SPOCK1: variants seen among roughly 807,000 people sequenced by gnomAD.
The protein encoded by SPOCK1 is SPARC (osteonectin), cwcv and kazal like domains proteoglycan 1, also known as testican-1.
In SPOCK1, 23 loss-of-function variants were observed where a neutral mutation model predicts 55.3. The ratio of observed to expected loss-of-function variants is 0.42; its 90% CI spans 0.30 to 0.59. The LOEUF (loss-of-function observed/expected upper bound fraction) is 0.59. SPOCK1 is among the 20% of genes least tolerant of loss of function. The pLI, the probability that SPOCK1 is intolerant of heterozygous loss-of-function variation, is 0.22. For missense variants in SPOCK1, 499 were observed against 552.5 expected (o/e 0.90, Z 0.97); for synonymous variants, 226 against 221.0 (o/e 1.02, Z -0.20).
intron 4 of SPOCK1, among the ~76,000 whole-genome samples, chr5:137,121,861 A>G (rs1338022892): frequency 2.1e-5 from 3 of 146,262 alleles, no homozygotes; most frequent in South Asian, 2.1e-4. Flanking sequence ...TTGGTTTTAA[A>G]TATATAATAT....
intron 2 of SPOCK1, among the ~76,000 whole-genome samples, chr5:137,413,789 A>G (rs1487858035): frequency 6.6e-6 from 1 of 152,224 alleles, no homozygotes; most frequent in Non-Finnish European, 1.5e-5. Context: ...TTTATCTCAC[A>G]TAATCAAGAA....
At chr5:137,131,989 A>AAAAAAATAT (rs1391176339) in intron 4 of SPOCK1, among the ~76,000 whole-genome samples, 1 of 36,056 alleles carries the variant, frequency 2.8e-5, no homozygotes, top group African/African-American at 1.8e-4. Context: ...AAAAAAAAAA[A>AAAAAAATAT]ATATATATAT....
At chr5:137,168,962 GATGA>G (rs1754698480) in intron 3 of SPOCK1, among the ~76,000 whole-genome samples, 1 of 152,146 alleles carries the variant, frequency 6.6e-6, no homozygotes, top group African/African-American at 2.4e-5. Flanking sequence ...TCTATCGACA[GATGA>G]ATGAACAAAG....
chr5:137,278,364 T>C (rs1757108270), intron 2 of SPOCK1, among the ~76,000 whole-genome samples: 1 of 152,188 alleles, frequency 6.6e-6, no homozygotes, highest in African/African-American at 2.4e-5. Flanking sequence ...TTTGCAATTT[T>C]GGAAGTGACA....
At chr5:137,196,348 C>T (rs186118103) in intron 3 of SPOCK1, among the ~76,000 whole-genome samples, 8 of 152,320 alleles carry the variant, frequency 5.3e-5, no homozygotes, top group African/African-American at 1.7e-4. Context: ...CTGCATCTGC[C>T]TGAAAACCTT....
chr5:137,228,453 C>T, intron 3 of SPOCK1, among the ~76,000 whole-genome samples: 1 of 152,108 alleles, frequency 6.6e-6, no homozygotes, highest in South Asian at 2.1e-4. Context: ...CCAGCCTGGC[C>T]AACATGGTGA....
At chr5:137,428,903 C>T (rs955425481) in intron 2 of SPOCK1, among the ~76,000 whole-genome samples, 7 of 152,240 alleles carry the variant, frequency 4.6e-5, no homozygotes, top group East Asian at 1.9e-4. Context: ...ACAGCTCTCT[C>T]GCATGGACTG....
At chr5:137,293,152 C>T (rs1278618367) in intron 2 of SPOCK1, among the ~76,000 whole-genome samples, 1 of 105,466 alleles carries the variant, frequency 9.5e-6, no homozygotes, top group Non-Finnish European at 1.8e-5. Flanking sequence ...GGGTATTGGG[C>T]TTATTTCTTT....
rs535651312 is a variant in SPOCK1, at chr5:137,063,169, C to T, written c.589+4546G>A. On this transcript the variant is annotated intron_variant, in intron 6 of 10. Transcript: ENST00000394945. ...AATGGCGTGAACCCGGGAAGCGGAG[C>T]TTGCAGTGAGCCGAGATTGCGCCAC... Among the ~76,000 whole-genome samples, 72 of 146,858 alleles carry T rather than the reference C, an allele frequency of 4.9e-4. 2 individuals carry two copies. In the South Asian group the frequency reaches 0.015, roughly 31 times the overall value.
intron 4 of SPOCK1, among the ~76,000 whole-genome samples, chr5:137,114,913 A>C (rs1478302141): frequency 2.0e-5 from 3 of 152,256 alleles, no homozygotes; most frequent in Non-Finnish European, 2.9e-5. Flanking sequence ...AGACATAACC[A>C]TGTAAAATGA....
intron 6 of SPOCK1, among the ~76,000 whole-genome samples, chr5:137,040,370 T>C (rs1751972305): frequency 6.6e-6 from 1 of 152,246 alleles, no homozygotes; most frequent in Admixed American, 6.5e-5. Flanking sequence ...GCACTGTGGC[T>C]ACAAATTCAT....
intron 2 of SPOCK1, among the ~76,000 whole-genome samples, chr5:137,464,233 T>C (rs1753552302): frequency 6.6e-6 from 1 of 151,882 alleles, no homozygotes; most frequent in Non-Finnish European, 1.5e-5. Context: ...GCCCAGGAGG[T>C]TGAGGCTGCA....
chr5:137,465,739 G>C (rs568472543), intron 2 of SPOCK1, among the ~76,000 whole-genome samples: 2 of 152,248 alleles, frequency 1.3e-5, no homozygotes, highest in South Asian at 4.1e-4. Context: ...CAGTACTTAA[G>C]AAGTTGCCAA....
intron 2 of SPOCK1, among the ~76,000 whole-genome samples, chr5:137,380,345 T>C (rs1217112682): frequency 6.6e-6 from 1 of 152,186 alleles, no homozygotes; most frequent in Non-Finnish European, 1.5e-5. Flanking sequence ...CATTTTCCTA[T>C]GCAATATAAA....
At chr5:137,362,335 T>TTC (rs1316924325) in intron 2 of SPOCK1, among the ~76,000 whole-genome samples, 1 of 151,220 alleles carries the variant, frequency 6.6e-6, no homozygotes, top group Non-Finnish European at 1.5e-5. Context: ...GCAACCTTTT[T>TTC]TTTTTTTTTT....
intron 2 of SPOCK1, among the ~76,000 whole-genome samples, chr5:137,381,121 G>C (rs1346478208): frequency 1.3e-5 from 2 of 152,132 alleles, no homozygotes; most frequent in East Asian, 3.9e-4. Context: ...CCAAAACTGA[G>C]CAGGGCAGTA....
At chr5:137,061,509 G>A (rs1752393698) in intron 6 of SPOCK1, among the ~76,000 whole-genome samples, 1 of 152,096 alleles carries the variant, frequency 6.6e-6, no homozygotes, top group Non-Finnish European at 1.5e-5. Flanking sequence ...TTCCTCTTTA[G>A]CATGCCCTGT....
chr5:137,034,064 G>C (rs373739870), intron 6 of SPOCK1, among the ~76,000 whole-genome samples: 9 of 152,134 alleles, frequency 5.9e-5, no homozygotes, highest in Non-Finnish European at 1.3e-4. Context: ...GGCTGACCTC[G>C]AGTAGGCACT....
At chr5:137,295,740 A>G (rs1200704887) in intron 2 of SPOCK1, among the ~76,000 whole-genome samples, 1 of 151,808 alleles carries the variant, frequency 6.6e-6, no homozygotes, top group African/African-American at 2.4e-5. Flanking sequence ...AAAAATACAT[A>G]TTATTGGGTG....
Sources: allele counts gnomAD v4.1 joint callset (sites outside exome capture counted in the v4.1 genomes callset), GRCh38; gene constraint gnomAD v4.1.1; transcripts MANE v1.5; gene names NCBI Gene and HGNC (gene_info 2026-07-23, HGNC 2026-07-21).